RPS20: variants seen among roughly 807,000 people sequenced by gnomAD.
RPS20 encodes ribosomal protein S20.
Under a neutral mutation model 15.3 loss-of-function variants are expected in RPS20, and 3 were observed. The ratio of observed to expected loss-of-function variants is 0.20; its 90% CI spans 0.09 to 0.51. The LOEUF (loss-of-function observed/expected upper bound fraction) is 0.51, where lower values mean the gene tolerates loss of function less well. RPS20 is among the 20% of genes least tolerant of loss of function. The pLI is 0.96. For synonymous variants in RPS20, 62 were observed against 47.8 expected (o/e 1.30, Z -1.23); for missense variants, 67 against 145.9 (o/e 0.46, Z 2.79).
chr8:56,069,795 C>G, downstream of RPS20: 6 of 1,550,312 alleles, frequency 3.9e-6, no homozygotes, highest in Non-Finnish European at 5.2e-6. Context: ...ACTGCTGGCC[C>G]TCTGTATCCA....
At position 56,074,493 on chromosome 8, in the gene RPS20, T is replaced by C; in HGVS notation, c.-110A>G. 1.6e-6 allele frequency: 2 copies of C among 1,243,418 alleles called. No individual in the cohort carries two copies. Among genetic ancestry groups the C allele is most frequent in the Non-Finnish European group, 2.2e-6 (2 of 898,402 alleles). 77.0% of individuals were successfully genotyped at this position (1,243,418 alleles called of 1,614,324 possible). A position where few individuals can be genotyped will look rare whatever the true frequency, so the allele number is the denominator to read the frequency against. On this transcript the variant is annotated 5_prime_UTR_variant, in exon 1 of 4. Transcript: ENST00000009589. ...AAAATCCTCAGCCCTTACGACCGCG[T>C]CTTCCTCAAAAAGAAAGGGGTGGGA...
At chr8:56,068,807 C>CTTTTTTTTTTT (rs61576194), downstream of RPS20, among the ~76,000 whole-genome samples, 52 of 27,692 alleles carry the variant, frequency 1.9e-3, 20 homozygotes, top group Non-Finnish European at 2.9e-3. Context: ...GTGAAAATAT[C>CTTTTTTTTTTT]TTTTTTTTTT....
downstream of RPS20, among the ~76,000 whole-genome samples, chr8:56,072,605 AAT>A (rs1175289923): frequency 2.1e-5 from 3 of 142,220 alleles, no homozygotes; most frequent in African/African-American, 9.3e-5. Context: ...AAACACTGAA[AAT>A]ATAAGTATTT....
downstream of RPS20, among the ~76,000 whole-genome samples, chr8:56,070,694 A>G (rs1809727934): frequency 6.7e-6 from 1 of 150,254 alleles, no homozygotes; most frequent in African/African-American, 2.5e-5. Flanking sequence ...GCACGACTGC[A>G]CTCCAACCTG....
chr8:56,072,602 G>T (rs1023869067), downstream of RPS20, among the ~76,000 whole-genome samples: 1 of 140,868 alleles, frequency 7.1e-6, no homozygotes, highest in African/African-American at 3.1e-5. Context: ...ATAAAACACT[G>T]AAAATATAAG....
At chr8:56,072,210 G>GA (rs1187443668), downstream of RPS20, among the ~76,000 whole-genome samples, 1 of 152,142 alleles carries the variant, frequency 6.6e-6, no homozygotes, top group Non-Finnish European at 1.5e-5. Flanking sequence ...CTGGACTGCA[G>GA]AGACCCTGTC....
chr8:56,069,290 T>C (rs938124143), downstream of RPS20, among the ~76,000 whole-genome samples: 2 of 152,078 alleles, frequency 1.3e-5, no homozygotes, highest in Admixed American at 6.6e-5. Flanking sequence ...TTGCCCAGAC[T>C]GGAGTGCAGT....
chr8:56,069,888 A>T (rs750398330), downstream of RPS20: 51 of 816,224 alleles, frequency 6.2e-5, no homozygotes, highest in Non-Finnish European at 9.4e-5. Flanking sequence ...ATGTATAGAC[A>T]TTCTTTTTCT....
chr8:56,074,230 C>G, intron 1 of RPS20, 71 bp from the exon 2 acceptor site: 1 of 1,538,020 alleles, frequency 6.5e-7, no homozygotes, highest in Non-Finnish European at 8.9e-7. Context: ...AGGCAGCTTC[C>G]GGAAGCTTCC....
chr8:56,071,101 G>A (rs575070714), downstream of RPS20, among the ~76,000 whole-genome samples: 85 of 152,152 alleles, frequency 5.6e-4, no homozygotes, highest in Admixed American at 2.0e-3. Context: ...TCTCAATTAC[G>A]TATAGCTTTA....
Position 56,074,352 on chromosome 8 carries a change from G to A in RPS20, c.3+29C>T, listed in dbSNP as rs751825969. The A allele has an allele frequency of 6.2e-5, 96 of 1,549,808 alleles. 1 individual carries two copies. The highest frequency in any genetic ancestry group is 3.3e-4 in the Middle Eastern group (2 of 5,986). On this transcript the variant is annotated intron_variant, in intron 1 of 3. Transcript: ENST00000009589. ...CCCCCCGGCGCCCGAGCCCTGCGTT[G>A]CGCCGCCCGCCGCCGACTGCCGCCT...
downstream of RPS20, among the ~76,000 whole-genome samples, chr8:56,072,422 G>A (rs745618133): frequency 7.3e-5 from 11 of 151,524 alleles, no homozygotes; most frequent in Non-Finnish European, 1.3e-4. Flanking sequence ...CTTGGTCGCA[G>A]GCACTTGTAA....
At chr8:56,071,372 T>C (rs1490311603), downstream of RPS20, among the ~76,000 whole-genome samples, 4 of 152,240 alleles carry the variant, frequency 2.6e-5, no homozygotes, top group Non-Finnish European at 5.9e-5. Flanking sequence ...AGGTATTCCA[T>C]TTTAAAATGG....
At position 56,074,475 on chromosome 8, in the gene RPS20, T is replaced by G. The variant is rs1274608875; in HGVS notation, c.-92A>C. On this transcript the variant is annotated 5_prime_UTR_variant, in exon 1 of 4. Coordinates refer to ENST00000009589, the MANE Select transcript of RPS20 (RefSeq NM_001023.4). Reference sequence around the variant, plus strand: ...GCAGGAGCGTGCGGACCAAAAATCCTCAGCCCTTACGACCGCGTCTTCCTC... The same window carrying G: ...GCAGGAGCGTGCGGACCAAAAATCCGCAGCCCTTACGACCGCGTCTTCCTC... The G allele has an allele frequency of 2.8e-6, 4 of 1,423,398 alleles. No individual in the cohort carries two copies. In the East Asian group the frequency reaches 7.5e-5, roughly 27 times the overall value. 88.2% of individuals were successfully genotyped at this position (1,423,398 alleles called of 1,614,324 possible).
chr8:56,074,436 G>A lies in RPS20; in HGVS notation c.-53C>T. 6.5e-7 allele frequency: 1 copy of A among 1,543,916 alleles called. No individual in the cohort carries two copies. Among genetic ancestry groups the A allele is most frequent in the South Asian group, 1.2e-5 (1 of 85,354 alleles). Reference sequence around the variant, plus strand: ...ACTTGTTCCTCGGCGAGAGCGAACAGCGGTGAGTCAGGAGCAGGAGCGTGC... The same window carrying A: ...ACTTGTTCCTCGGCGAGAGCGAACAACGGTGAGTCAGGAGCAGGAGCGTGC... On this transcript the variant is annotated 5_prime_UTR_variant, in exon 1 of 4. Transcript: ENST00000009589.
intron 3 of RPS20, 147 bp downstream of exon 3, chr8:56,073,548 T>A: frequency 1.4e-6 from 1 of 720,910 alleles, no homozygotes; most frequent in Non-Finnish European, 2.5e-6. Flanking sequence ...AGCTACTTAC[T>A]AGGAACCGCA....
chr8:56,069,756 C>T (rs201958483), downstream of RPS20: 97 of 1,551,530 alleles, frequency 6.3e-5, no homozygotes, highest in African/African-American at 2.7e-4. Context: ...GACATGTCCC[C>T]GGGGATTCGA....
chr8:56,074,340 G>A lies in RPS20; in HGVS notation c.3+41C>T, dbSNP rs758477645. 9.7e-6 allele frequency: 15 copies of A among 1,548,522 alleles called. No individual in the cohort carries two copies. The African/African-American group carries it at 1.1e-4, about 11-fold the overall frequency. On this transcript the variant is annotated intron_variant, in intron 1 of 3. Coordinates refer to ENST00000009589, the MANE Select transcript of RPS20 (RefSeq NM_001023.4). ...CGAAACCGGGGTCCCCCCGGCGCCC[G>A]AGCCCTGCGTTGCGCCGCCCGCCGC...
chr8:56,070,293 C>A (rs1467716905), downstream of RPS20, among the ~76,000 whole-genome samples: 1 of 152,170 alleles, frequency 6.6e-6, no homozygotes, highest in Admixed American at 6.5e-5. Flanking sequence ...GGCTCAAAGT[C>A]AAGTAACTTG....
Sources: gnomAD v4.1 joint callset for allele counts (sites outside exome capture counted in the v4.1 genomes callset) on GRCh38, gnomAD v4.1.1 for gene constraint, MANE v1.5 for transcripts, NCBI Gene and HGNC (gene_info 2026-07-23, HGNC 2026-07-21) for gene names.